The following CELA1 variants were observed in gnomAD, a reference collection of about 807,000 sequenced individuals.
CELA1 encodes the protein chymotrypsin like elastase 1, also known as chymotrypsin-like elastase family member 1.
Under a neutral mutation model 34.8 loss-of-function variants are expected in CELA1, and 28 were observed. The observed-to-expected ratio is 0.80, with a 90% CI of 0.60 to 1.10. The LOEUF (loss-of-function observed/expected upper bound fraction) is 1.10, where lower values mean the gene tolerates loss of function less well. CELA1 is among the 50% of genes least tolerant of loss of function. CELA1 has a pLI of 0.00. For missense variants in CELA1, 288 were observed against 327.5 expected (o/e 0.88, Z 0.93); for synonymous variants, 140 against 129.8 (o/e 1.08, Z -0.53).
intron 6 of CELA1, among the ~76,000 whole-genome samples, chr12:51,338,287 C>CACACACACACAT (rs1366687008): frequency 1.6e-4 from 20 of 124,304 alleles, no homozygotes; most frequent in African/African-American, 5.7e-4. Flanking sequence ...CACACACACA[C>CACACACACACAT]ATACACATAC....
chr12:51,336,424 G>A (rs1027406691), intron 6 of CELA1, among the ~76,000 whole-genome samples: 9 of 152,020 alleles, frequency 5.9e-5, no homozygotes, highest in Non-Finnish European at 8.8e-5. Flanking sequence ...TCAGGAGTTC[G>A]AGACTTAGCC....
rs1317316917 is a variant in CELA1 at position 51,339,946 on chromosome 12, T to C, written c.523A>G (p.Ile175Val). 2 of 1,614,040 alleles carry C rather than the reference T, an allele frequency of 1.2e-6. No individual in the cohort carries two copies. Among genetic ancestry groups the C allele is most frequent in the Admixed American group, 1.7e-5 (1 of 60,002 alleles). Reference protein sequence around the residue: ...QAYLPSVDYAICSSSSYWGST... With the variant: ...QAYLPSVDYAVCSSSSYWGST... ...CCCCAGTAGGAGGAGCTGGAGCAGATGGCGTAGTCCACAGAGGGCAGGTAA... is the reference window on the plus strand; with the variant it reads ...CCCCAGTAGGAGGAGCTGGAGCAGACGGCGTAGTCCACAGAGGGCAGGTAA... Residue 175 changes from isoleucine (I) to valine (V), a missense_variant, in exon 6 of 8, where the codon ATC (isoleucine) becomes GTC (valine). Coordinates refer to ENST00000293636, the MANE Select transcript of CELA1 (RefSeq NM_001971.6).
At chr12:51,335,238 G>A (rs1395910342) in intron 6 of CELA1, among the ~76,000 whole-genome samples, 1 of 151,934 alleles carries the variant, frequency 6.6e-6, no homozygotes, top group Non-Finnish European at 1.5e-5. Context: ...TTTCCTCTCT[G>A]CCTATTTATG....
In CELA1 at chr12:51,341,371, G is replaced by A. The variant is rs144547161; in HGVS notation, c.336C>T (p.Ile112=). 13 of 1,613,984 alleles carry A rather than the reference G, an allele frequency of 8.1e-6. No homozygotes were observed. Among genetic ancestry groups the A allele is most frequent in the African/African-American group, 6.7e-5 (5 of 74,922 alleles). ...NSDNVAAGYD[I]ALLRLAQSVT... ...CGCTCTGGGCCAGGCGCAGCAGGGC[G>A]ATGTCATAGCTGCAGGAGAAAAGGA... The change falls in exon 5 of 8, where the codon ATC becomes ATT. Residue 112 remains isoleucine (I), a synonymous_variant. Transcript: ENST00000293636.
In CELA1 at chr12:51,329,711, G is replaced by A. The variant is rs773636053; in HGVS notation, c.732C>T (p.Val244=). The change falls in exon 7 of 8, where the codon GTC becomes GTT. Residue 244 remains valine (V), a synonymous_variant. Coordinates refer to ENST00000293636, the MANE Select transcript of CELA1 (RefSeq NM_001971.6). The part of the protein sequence containing the change: ...VSRKPTVFTQ[V]SAYISWINNV... ...TATTTATCCAGGAGATGTAAGCAGAGACCTGGGTGAAGACTGTAGGCTTCC... is the reference window on the plus strand; with the variant it reads ...TATTTATCCAGGAGATGTAAGCAGAAACCTGGGTGAAGACTGTAGGCTTCC... 1.6e-5 allele frequency: 26 copies of A among 1,613,432 alleles called. No individual in the cohort carries two copies. Among genetic ancestry groups the A allele is most frequent in the Non-Finnish European group, 1.9e-5 (22 of 1,179,836 alleles).
chr12:51,328,639 C>T (rs1476444527), intron 7 of CELA1, 45 bp from the exon 8 acceptor site: 2 of 1,610,498 alleles, frequency 1.2e-6, no homozygotes, highest in African/African-American at 2.7e-5. Context: ...CTCCTGCCTA[C>T]CTCCTTTCTT....
intron 6 of CELA1, among the ~76,000 whole-genome samples, chr12:51,335,001 T>C (rs988283637): frequency 1.3e-5 from 2 of 152,188 alleles, no homozygotes; most frequent in African/African-American, 4.8e-5. Context: ...TTTTCAGCAG[T>C]CAAGTTGACT....
chr12:51,330,234 A>G (rs748006732), intron 6 of CELA1, among the ~76,000 whole-genome samples: 11 of 152,176 alleles, frequency 7.2e-5, no homozygotes, highest in Non-Finnish European at 1.5e-4. Flanking sequence ...GGGCATTCTA[A>G]TAATTTCTTT....
Position 51,341,117 on chromosome 12 carries a change from T to G in CELA1, c.463+127A>C. 3.4e-6 allele frequency: 3 copies of G among 886,672 alleles called. No homozygotes were observed. In the East Asian group the frequency reaches 7.3e-5, roughly 22 times the overall value. The allele number at this position is 886,672 out of a possible 1,614,324, so 54.9% of individuals were successfully genotyped here. A position where few individuals can be genotyped will look rare whatever the true frequency, so the allele number is the denominator to read the frequency against. On this transcript the variant is annotated intron_variant, in intron 5 of 7. Transcript: ENST00000293636. ...GCTTGATATAATGCATCAGTTATTG[T>G]ATCTATGGTTCTTTTAGCTCCTGGT... is the stretch of plus-strand genomic sequence containing the variant.
intron 6 of CELA1, among the ~76,000 whole-genome samples, chr12:51,336,267 AAC>A: frequency 6.6e-6 from 1 of 152,252 alleles, no homozygotes; most frequent in South Asian, 2.1e-4. Flanking sequence ...TTTCTCATTG[AAC>A]AGTTTTTCCC....
At position 51,336,676 on chromosome 12, in the gene CELA1, T is replaced by C. The variant is rs564498382; in HGVS notation, c.609+3184A>G. The stretch of plus-strand genomic sequence containing the variant: ...TTTCTTACTGGTTGCTATACCTGAA[T>C]GTCCCACTGGGATCTCAGACAAAGG... On this transcript the variant is annotated intron_variant, in intron 6 of 7. Transcript: ENST00000293636. Among the ~76,000 whole-genome samples, 205 of 152,296 alleles carry C rather than the reference T, an allele frequency of 1.3e-3. 1 individual carries two copies. Among genetic ancestry groups the C allele is most frequent in the Middle Eastern group, 3.4e-3 (1 of 294 alleles).
At chr12:51,343,314 ACT>A (rs1189591611) in intron 3 of CELA1, among the ~76,000 whole-genome samples, 4 of 152,026 alleles carry the variant, frequency 2.6e-5, no homozygotes, top group Non-Finnish European at 5.9e-5. Context: ...CAAATTAGAA[ACT>A]CTGCTGGATG....
At chr12:51,341,727 T>C (rs1946536379) in intron 4 of CELA1, among the ~76,000 whole-genome samples, 1 of 152,254 alleles carries the variant, frequency 6.6e-6, no homozygotes, top group African/African-American at 2.4e-5. Context: ...TGAGTGGCTC[T>C]ACAAGCTCAG....
At chr12:51,333,090 C>T (rs150371292) in intron 6 of CELA1, among the ~76,000 whole-genome samples, 1 of 131,048 alleles carries the variant, frequency 7.6e-6, no homozygotes, top group East Asian at 2.2e-4. Context: ...GCCCCACTCC[C>T]CGTTAATTTT....
chr12:51,345,992 T>C lies in CELA1; in HGVS notation c.17-115A>G. 3 of 697,330 alleles carry C rather than the reference T, an allele frequency of 4.3e-6. No homozygotes were observed. In the South Asian group the frequency reaches 5.5e-5, roughly 13 times the overall value. The allele number at this position is 697,330 out of a possible 1,614,324, so 43.2% of individuals were successfully genotyped here. ...GTTAGCCTTGTCTGCAAATTCACAG[T>C]TCCTCTCTAACGAATGAGGGGCCCA... On this transcript the variant is annotated intron_variant, in intron 1 of 7. Coordinates refer to ENST00000293636, the MANE Select transcript of CELA1 (RefSeq NM_001971.6).
chr12:51,333,185 C>G (rs1946480777), intron 6 of CELA1, among the ~76,000 whole-genome samples: 1 of 151,678 alleles, frequency 6.6e-6, no homozygotes, highest in Non-Finnish European at 1.5e-5. Context: ...ACTTCCGCCT[C>G]CTAGGTTCAA....
intron 6 of CELA1, among the ~76,000 whole-genome samples, chr12:51,331,864 C>T (rs1592295114): frequency 6.6e-6 from 1 of 152,024 alleles, no homozygotes; most frequent in South Asian, 2.1e-4. Context: ...TTTTAACAGA[C>T]ATTGAAAAAA....
chr12:51,333,776 C>T (rs1946485502), intron 6 of CELA1, among the ~76,000 whole-genome samples: 1 of 152,168 alleles, frequency 6.6e-6, no homozygotes, highest in African/African-American at 2.4e-5. Context: ...GATTATTGTA[C>T]TCAAAACAAA....
At chr12:51,332,920 C>T (rs1453406396) in intron 6 of CELA1, among the ~76,000 whole-genome samples, 2 of 151,794 alleles carry the variant, frequency 1.3e-5, no homozygotes, top group East Asian at 1.9e-4. Flanking sequence ...AAATTTCAAA[C>T]TGGGATAATT....
Sources: allele counts gnomAD v4.1 joint callset (sites outside exome capture counted in the v4.1 genomes callset), GRCh38; gene constraint gnomAD v4.1.1; transcripts MANE v1.5; gene names NCBI Gene and HGNC (gene_info 2026-07-23, HGNC 2026-07-21).